Variants in GID4 observed in about 807,000 individuals in gnomAD.
The protein encoded by GID4 is GID complex subunit 4 homolog.
Under a neutral mutation model 32.4 loss-of-function variants are expected in GID4, and 7 were observed. The observed-to-expected ratio is 0.22, with a 90% CI of 0.12 to 0.41. GID4 has a LOEUF of 0.41. Among genes scored for constraint, GID4 ranks in the 10% least tolerant of loss-of-function variants. The probability of loss-of-function intolerance (pLI) is 1.00; values close to 1 mark genes in which losing one functional copy is unlikely to be tolerated. For missense variants in GID4, 309 were observed against 400.0 expected, an observed-to-expected ratio of 0.77 and a Z score of 1.94; for synonymous variants, 166 against 170.0, an observed-to-expected ratio of 0.98 and a Z score of 0.18.
intron 2 of GID4, among the ~76,000 whole-genome samples, chr17:18,052,692 T>C (rs981609990): frequency 6.6e-6 from 1 of 152,196 alleles, no homozygotes. Flanking sequence ...TATTAATCTT[T>C]TTTAAAATCA....
intron 2 of GID4, among the ~76,000 whole-genome samples, chr17:18,049,460 G>T (rs527869776): frequency 1.1e-4 from 17 of 151,502 alleles, no homozygotes; most frequent in South Asian, 1.0e-3. Context: ...TTTATTTTAG[G>T]CTTGGGTGTA....
intron 2 of GID4, among the ~76,000 whole-genome samples, chr17:18,053,433 C>G (rs572562105): frequency 6.6e-6 from 1 of 151,630 alleles, no homozygotes; most frequent in Non-Finnish European, 1.5e-5. Flanking sequence ...GCCAACATGG[C>G]GAAACCCCGT....
intron 3 of GID4, chr17:18,056,957 C>G: frequency 6.4e-7 from 1 of 1,550,594 alleles, no homozygotes; most frequent in Non-Finnish European, 8.7e-7. Context: ...TGTACTGCAC[C>G]TGGGTTTGTC....
chr17:18,062,525 C>T (rs566405038), intron 5 of GID4, among the ~76,000 whole-genome samples: 1 of 152,336 alleles, frequency 6.6e-6, no homozygotes, highest in East Asian at 1.9e-4. Context: ...CTCCTGCCTC[C>T]TTGCTGCTTT....
Position 18,039,823 on chromosome 17 carries a change from G to C in GID4, c.359G>C (p.Ser120Thr). Residue 120 changes from serine (S) to threonine (T), a missense_variant, in exon 1 of 6, where the codon AGC becomes ACC. Transcript: ENST00000268719. This position sits in a 1 kb window ranked among gnomAD's most constrained non-coding sequence, Gnocchi z 5.3. Reference protein sequence around the residue: ...INTQQPGVATSLLYSGSKFRG... With the variant: ...INTQQPGVATTLLYSGSKFRG... ...ACCCAGCAGCCCGGCGTGGCCACCA[G>C]CCTGCTCTACAGCGGCTCCAAGTTC... is the stretch of plus-strand genomic sequence containing the variant. 6 of 1,575,388 alleles carry C rather than the reference G, an allele frequency of 3.8e-6. No homozygotes were observed. In the South Asian group the frequency reaches 4.6e-5, roughly 12 times the overall value.
At chr17:18,045,264 C>T in intron 2 of GID4, 58 bp downstream of exon 2, 1 of 1,389,272 alleles carries the variant, frequency 7.2e-7, no homozygotes, top group Non-Finnish European at 1.0e-6. Context: ...TCCACAGGCT[C>T]ATTGGGGTTC....
rs1170221315 is a variant in GID4 at position 18,061,976 on chromosome 17, G to GTGAGGACCTC, written c.839+9_839+18dup. On this transcript the variant is annotated splice_donor_variant, in intron 5 of 5. Transcript: ENST00000268719. LOFTEE classifies it high-confidence loss of function. This position sits in a 1 kb window ranked among gnomAD's most constrained non-coding sequence, Gnocchi z 4.4. ...ACTACTACCATAGGAGTTCAGAATG[G>GTGAGGACCTC]TGAGGACCTCTGAGGACAGAGGCCA... 6.2e-7 allele frequency: 1 copy of GTGAGGACCTC among 1,613,234 alleles called. No homozygotes were observed. The highest frequency in any genetic ancestry group is 1.3e-5 in the African/African-American group (1 of 74,910).
intron 3 of GID4, among the ~76,000 whole-genome samples, chr17:18,056,227 A>G (rs2044965729): frequency 6.6e-6 from 1 of 152,242 alleles, no homozygotes; most frequent in Non-Finnish European, 1.5e-5. Context: ...TTAAATTTAA[A>G]CTTGAGCTTT....
At chr17:18,060,388 ACT>A (rs1037109500) in intron 4 of GID4, among the ~76,000 whole-genome samples, 8 of 126,580 alleles carry the variant, frequency 6.3e-5, no homozygotes, top group Non-Finnish European at 1.3e-4. Flanking sequence ...ACAGAGCAAG[ACT>A]CTGTCTCACC....
At chr17:18,058,268 G>A (rs956981625) in intron 3 of GID4, among the ~76,000 whole-genome samples, 3 of 152,212 alleles carry the variant, frequency 2.0e-5, no homozygotes, top group Non-Finnish European at 4.4e-5. Context: ...ATGTGTGTAG[G>A]TTATCTGCAA....
chr17:18,039,664 C>A lies in GID4; in HGVS notation c.200C>A (p.Ala67Glu). The A allele has an allele frequency of 7.7e-7, 1 of 1,293,160 alleles. No individual in the cohort carries two copies. 80.1% of individuals were successfully genotyped at this position (1,293,160 alleles called of 1,614,324 possible). ...PATLLGSRAA[A>E]AVPLPLPPAL... Reference sequence around the variant, plus strand: ...ACCCTCCTCGGCTCCCGCGCGGCGGCGGCGGTTCCTCTCCCACTCCCCCCA... The same window carrying A: ...ACCCTCCTCGGCTCCCGCGCGGCGGAGGCGGTTCCTCTCCCACTCCCCCCA... Residue 67 changes from alanine (A) to glutamate (E), a missense_variant, in exon 1 of 6, where the codon GCG (alanine) becomes GAG (glutamate). This residue lies in a region of GID4 where 193 missense variants were observed against 185.8 expected (regional missense o/e 1.04). Transcript: ENST00000268719. The surrounding 1 kb of genome is among the most constrained non-coding windows in gnomAD (Gnocchi z 5.3).
intron 1 of GID4, among the ~76,000 whole-genome samples, chr17:18,040,141 C>T (rs533855570): frequency 8.5e-5 from 13 of 152,302 alleles, no homozygotes; most frequent in Admixed American, 1.3e-4. Context: ...ACCCCGAACA[C>T]TCCCAGACTT....
At chr17:18,052,511 G>T (rs2044922202) in intron 2 of GID4, among the ~76,000 whole-genome samples, 1 of 152,142 alleles carries the variant, frequency 6.6e-6, no homozygotes, top group Non-Finnish European at 1.5e-5. Context: ...TGGGCCTTCT[G>T]CAGTCCTTGA....
chr17:18,064,440 T>C (rs2045042925), intron 5 of GID4, among the ~76,000 whole-genome samples: 1 of 152,198 alleles, frequency 6.6e-6, no homozygotes, highest in Admixed American at 6.5e-5. Context: ...TGATAATTTG[T>C]TTTTGGTAAG....
chr17:18,054,518 C>G (rs1021287085), intron 3 of GID4, among the ~76,000 whole-genome samples: 1 of 152,174 alleles, frequency 6.6e-6, no homozygotes, highest in African/African-American at 2.4e-5. Flanking sequence ...GTCCCCCCAT[C>G]CTTCCCACCT....
chr17:18,063,078 ATAAATAAAT>A (rs2045030359), intron 5 of GID4, among the ~76,000 whole-genome samples: 1 of 2,736 alleles, frequency 3.7e-4, no homozygotes. Flanking sequence ...CATCTCAAAA[ATAAATAAAT>A]AAATAAATAA....
At chr17:18,055,202 C>T (rs1297079127) in intron 3 of GID4, among the ~76,000 whole-genome samples, 1 of 151,648 alleles carries the variant, frequency 6.6e-6, no homozygotes, top group Non-Finnish European at 1.5e-5. Flanking sequence ...ATTTTCTCAA[C>T]CTAATAGCCT....
At chr17:18,047,048 T>C (rs1356776675) in intron 2 of GID4, among the ~76,000 whole-genome samples, 1 of 152,180 alleles carries the variant, frequency 6.6e-6, no homozygotes, top group Non-Finnish European at 1.5e-5. Flanking sequence ...GTGATTCTCT[T>C]GTAAAGTCCT....
At chr17:18,055,477 GTTTAT>G (rs1014501347) in intron 3 of GID4, among the ~76,000 whole-genome samples, 35 of 152,130 alleles carry the variant, frequency 2.3e-4, no homozygotes, top group African/African-American at 7.9e-4. Context: ...TTTTTTATTT[GTTTAT>G]TTTATTTAAA....
Sources: allele counts gnomAD v4.1 joint callset (sites outside exome capture counted in the v4.1 genomes callset), GRCh38; gene constraint gnomAD v4.1.1; regional missense constraint gnomAD v4.1.1; non-coding constraint Gnocchi (gnomAD v3.1); transcripts MANE v1.5; gene names NCBI Gene and HGNC (gene_info 2026-07-23, HGNC 2026-07-21).